UBTD1: variants seen among roughly 807,000 people sequenced by gnomAD.
The protein encoded by UBTD1 is ubiquitin domain-containing protein 1.
In UBTD1, 19 loss-of-function variants were observed where a neutral mutation model predicts 21.7. That is an observed-to-expected ratio of 0.87 (90% CI 0.61 to 1.28). The LOEUF is 1.28. Ranked by LOEUF, UBTD1 falls within the 50% of genes most tolerant of loss-of-function variation. The pLI, the probability that UBTD1 is intolerant of heterozygous loss-of-function variation, is 0.00. For missense variants in UBTD1, 282 were observed against 315.1 expected (o/e 0.89, Z 0.80); for synonymous variants, 116 against 135.1 (o/e 0.86, Z 0.98).
intron 1 of UBTD1, among the ~76,000 whole-genome samples, chr10:97,516,667 C>T (rs191556183): frequency 0.012 from 1,809 of 151,918 alleles, 37 homozygotes; most frequent in African/African-American, 0.042. Context: ...TCCAGCTACT[C>T]GGGAGGCTGA....
In UBTD1 at chr10:97,570,143, C is replaced by G; in HGVS notation, c.304C>G (p.Leu102Val). 6.2e-7 allele frequency: 1 copy of G among 1,603,146 alleles called. No homozygotes were observed. The highest frequency in any genetic ancestry group is 8.5e-7 in the Non-Finnish European group (1 of 1,172,304). ...GASITLPHGTLCECYDELGNR... is the reference protein window; with the variant it reads ...GASITLPHGTVCECYDELGNR... ...CAGCCCTGCCTCTCCTACAGGCACCCTCTGTGAATGCTACGATGAGCTGGG... is the reference window on the plus strand; with the variant it reads ...CAGCCCTGCCTCTCCTACAGGCACCGTCTGTGAATGCTACGATGAGCTGGG... Residue 102 changes from leucine to valine, a missense_variant, in exon 3 of 3, where the codon CTC (leucine) becomes GTC (valine). By Grantham distance (32) the Leu-to-Val change is conservative (BLOSUM62 1). Coordinates refer to ENST00000370664, the MANE Select transcript of UBTD1 (RefSeq NM_024954.5). The surrounding 1 kb of genome is among the most constrained non-coding windows in gnomAD (Gnocchi z 6.6).
intron 1 of UBTD1, among the ~76,000 whole-genome samples, chr10:97,542,916 G>C (rs976856239): frequency 6.6e-6 from 1 of 152,254 alleles, no homozygotes; most frequent in Non-Finnish European, 1.5e-5. Context: ...TGGGCAGCCT[G>C]GTTCTAGATC....
chr10:97,566,140 C>G (rs2040715918), intron 1 of UBTD1, among the ~76,000 whole-genome samples: 1 of 152,106 alleles, frequency 6.6e-6, no homozygotes, highest in Non-Finnish European at 1.5e-5. Flanking sequence ...ATCTCTTATT[C>G]ATATTTTTAA....
intron 1 of UBTD1, among the ~76,000 whole-genome samples, chr10:97,526,921 C>T (rs1212612036): frequency 1.3e-5 from 2 of 151,160 alleles, no homozygotes; most frequent in Admixed American, 1.3e-4. Flanking sequence ...CCTGTAATCC[C>T]AGCACTTTGG....
intron 1 of UBTD1, among the ~76,000 whole-genome samples, chr10:97,545,387 C>CGTGTGGTT (rs141608116): frequency 8.3e-6 from 1 of 120,716 alleles, no homozygotes; most frequent in Non-Finnish European, 1.6e-5. Context: ...GTATGGGGCT[C>CGTGTGGTT]GTGTGTGTGT....
intron 1 of UBTD1, among the ~76,000 whole-genome samples, chr10:97,532,457 C>A (rs933290391): frequency 2.0e-5 from 3 of 151,542 alleles, no homozygotes; most frequent in South Asian, 2.1e-4. Flanking sequence ...ACCAGCCTGA[C>A]CAACATGGAG....
chr10:97,558,722 CTG>C (rs2135685040), intron 1 of UBTD1, among the ~76,000 whole-genome samples: 1 of 151,956 alleles, frequency 6.6e-6, no homozygotes, highest in African/African-American at 2.4e-5. Context: ...TTTTTATTGA[CTG>C]TCATTTACCA....
chr10:97,532,798 AAAAG>A (rs71007346), intron 1 of UBTD1, among the ~76,000 whole-genome samples: 100 of 149,058 alleles, frequency 6.7e-4, no homozygotes, highest in East Asian at 2.2e-3. Context: ...CTCAAAAAAA[AAAAG>A]AAAGAAAGAA....
At chr10:97,514,012 TTTC>T (rs2135659813) in intron 1 of UBTD1, among the ~76,000 whole-genome samples, 1 of 146,844 alleles carries the variant, frequency 6.8e-6, no homozygotes, top group Non-Finnish European at 1.5e-5. Context: ...CTTTTCTTTC[TTTC>T]TTTTTTTTTT....
At chr10:97,558,894 G>A (rs370707884) in intron 1 of UBTD1, among the ~76,000 whole-genome samples, 1 of 151,900 alleles carries the variant, frequency 6.6e-6, no homozygotes, top group African/African-American at 2.4e-5. Context: ...TTCTTCCTCT[G>A]GTTGATGAAA....
At chr10:97,505,477 C>T (rs1939048178) in intron 1 of UBTD1, among the ~76,000 whole-genome samples, 2 of 152,270 alleles carry the variant, frequency 1.3e-5, no homozygotes, top group South Asian at 4.1e-4. Context: ...CAGTTGATCC[C>T]CCGTTTTAAA....
intron 2 of UBTD1, 84 bp downstream of exon 2, chr10:97,568,225 G>C (rs2040727717): frequency 7.1e-7 from 1 of 1,410,076 alleles, no homozygotes. Context: ...AGTGTGGAGC[G>C]GTGGGGCAGG....
intron 1 of UBTD1, among the ~76,000 whole-genome samples, chr10:97,555,003 T>C (rs1048780310): frequency 1.3e-5 from 2 of 152,100 alleles, no homozygotes; most frequent in African/African-American, 2.4e-5. Context: ...CCTCTCCCCA[T>C]GTTAGGAGCA....
intron 1 of UBTD1, among the ~76,000 whole-genome samples, chr10:97,538,344 GT>G (rs2040572895): frequency 1.3e-5 from 2 of 151,932 alleles, no homozygotes; most frequent in South Asian, 4.1e-4. Context: ...TTTTAAAAAA[GT>G]AAAAATAGAA....
intron 1 of UBTD1, among the ~76,000 whole-genome samples, chr10:97,564,308 T>G (rs1237848940): frequency 6.6e-6 from 1 of 152,154 alleles, no homozygotes; most frequent in African/African-American, 2.4e-5. Flanking sequence ...AAAGTTCAAA[T>G]GGACTGTACC....
chr10:97,532,094 A>C (rs1337151152), intron 1 of UBTD1, among the ~76,000 whole-genome samples: 2 of 152,162 alleles, frequency 1.3e-5, no homozygotes, highest in Non-Finnish European at 1.5e-5. Flanking sequence ...ACTGAGGGTT[A>C]GAAAGGTGAG....
At chr10:97,519,355 A>G (rs1264751225) in intron 1 of UBTD1, among the ~76,000 whole-genome samples, 2 of 152,234 alleles carry the variant, frequency 1.3e-5, no homozygotes, top group African/African-American at 2.4e-5. Flanking sequence ...CTTGCAAATA[A>G]GGGGCTACAG....
intron 1 of UBTD1, among the ~76,000 whole-genome samples, chr10:97,540,216 A>G (rs974823800): frequency 4.6e-5 from 7 of 152,216 alleles, no homozygotes; most frequent in Non-Finnish European, 8.8e-5. Context: ...CAGGAACTTC[A>G]AATAACTCAG....
chr10:97,556,765 T>C (rs1442820099), intron 1 of UBTD1, among the ~76,000 whole-genome samples: 1 of 152,242 alleles, frequency 6.6e-6, no homozygotes, highest in Non-Finnish European at 1.5e-5. Flanking sequence ...ATAAGCTCTG[T>C]GTCCACATAT....
Sources: gnomAD v4.1 joint callset for allele counts (sites outside exome capture counted in the v4.1 genomes callset) on GRCh38, gnomAD v4.1.1 for gene constraint, Gnocchi (gnomAD v3.1) non-coding constraint, MANE v1.5 for transcripts, NCBI Gene and HGNC (gene_info 2026-07-23, HGNC 2026-07-21) for gene names.